Variants in NEGR1 observed in about 807,000 individuals in gnomAD.
The protein encoded by NEGR1 is IgLON family member 4.
In NEGR1, 10 loss-of-function variants were observed where a neutral mutation model predicts 40.9. The ratio of observed to expected loss-of-function variants is 0.24; its 90% confidence interval spans 0.15 to 0.42. NEGR1 has a LOEUF of 0.42. Among genes scored for constraint, NEGR1 ranks in the 10% least tolerant of loss-of-function variants. NEGR1 has a pLI of 1.00. For missense variants in NEGR1, 352 were observed against 438.9 expected (o/e 0.80, Z 1.77); for synonymous variants, 185 against 166.8 (o/e 1.11, Z -0.84).
At chr1:71,649,810 C>T (rs530695019) in intron 4 of NEGR1, among the ~76,000 whole-genome samples, 1 of 152,208 alleles carries the variant, frequency 6.6e-6, no homozygotes, top group South Asian at 2.1e-4. Flanking sequence ...GTTGAGAACT[C>T]AGAAGTCTGC....
chr1:71,871,734 T>C (rs1457638631), intron 2 of NEGR1, among the ~76,000 whole-genome samples: 1 of 152,332 alleles, frequency 6.6e-6, no homozygotes, highest in Middle Eastern at 3.4e-3. Context: ...AAGATAGTTT[T>C]TATTGAGGCA....
intron 1 of NEGR1, among the ~76,000 whole-genome samples, chr1:72,182,067 A>G (rs1033913267): frequency 2.0e-5 from 3 of 152,186 alleles, no homozygotes; most frequent in Non-Finnish European, 1.5e-5. Flanking sequence ...TACAAAAGCA[A>G]ATACAAAAAA....
At chr1:71,656,622 G>C (rs550538341) in intron 4 of NEGR1, among the ~76,000 whole-genome samples, 1 of 151,932 alleles carries the variant, frequency 6.6e-6, no homozygotes, top group African/African-American at 2.4e-5. Flanking sequence ...CCGTGGTCTC[G>C]ATCTCCTGAC....
chr1:71,673,765 G>T (rs1234792178), intron 4 of NEGR1, among the ~76,000 whole-genome samples: 1 of 150,354 alleles, frequency 6.7e-6, no homozygotes, highest in Non-Finnish European at 1.5e-5. Context: ...ATTACACAGA[G>T]CAGAAGCCCA....
intron 4 of NEGR1, among the ~76,000 whole-genome samples, chr1:71,668,346 G>A (rs1167486959): frequency 5.3e-5 from 8 of 152,174 alleles, no homozygotes; most frequent in African/African-American, 1.9e-4. Flanking sequence ...CTGGGTAGCA[G>A]TGGAAGCAGC....
At chr1:71,728,388 T>C (rs1654743977) in intron 3 of NEGR1, among the ~76,000 whole-genome samples, 1 of 152,176 alleles carries the variant, frequency 6.6e-6, no homozygotes, top group Non-Finnish European at 1.5e-5. Context: ...CCTTCCTTGC[T>C]ACTGAGAAAA....
chr1:71,730,256 G>A (rs181593824), intron 3 of NEGR1, among the ~76,000 whole-genome samples: 2 of 152,118 alleles, frequency 1.3e-5, no homozygotes, highest in East Asian at 1.9e-4. Flanking sequence ...AGAGGGAGCT[G>A]CTTTGAGAGT....
intron 2 of NEGR1, among the ~76,000 whole-genome samples, chr1:71,852,762 AG>A (rs1402942007): frequency 6.6e-6 from 1 of 151,728 alleles, no homozygotes; most frequent in Non-Finnish European, 1.5e-5. Flanking sequence ...AGAGGTAAGT[AG>A]GTTTGAAGTT....
intron 1 of NEGR1, among the ~76,000 whole-genome samples, chr1:72,181,538 A>G (rs1486766370): frequency 6.6e-6 from 1 of 152,130 alleles, no homozygotes; most frequent in Admixed American, 6.6e-5. Flanking sequence ...TAGAACCACC[A>G]TATGATGCAG....
chr1:71,453,743 T>C (rs1383715762), intron 6 of NEGR1, among the ~76,000 whole-genome samples: 2 of 152,054 alleles, frequency 1.3e-5, no homozygotes, highest in Admixed American at 1.3e-4. Flanking sequence ...AACTGGAAAA[T>C]ATTGTTTGTG....
At chr1:72,260,875 G>A (rs1655429887) in intron 1 of NEGR1, among the ~76,000 whole-genome samples, 1 of 151,930 alleles carries the variant, frequency 6.6e-6, no homozygotes, top group African/African-American at 2.4e-5. Flanking sequence ...ACAAAAATTA[G>A]TCTAGGAGCA....
Position 71,407,418 on chromosome 1 carries a change from C to A in NEGR1, c.*28G>T. On this transcript the variant is annotated 3_prime_UTR_variant, in exon 7 of 7. Coordinates refer to ENST00000357731, the MANE Select transcript of NEGR1 (RefSeq NM_173808.3). Reference sequence around the variant, plus strand: ...CAGCCATCAGCACTTTCAGAGAATCCTTAAAAGCCTTTTATGGGTCTTTGA... The same window carrying A: ...CAGCCATCAGCACTTTCAGAGAATCATTAAAAGCCTTTTATGGGTCTTTGA... 1 of 1,607,678 alleles carries A rather than the reference C, an allele frequency of 6.2e-7. No homozygotes were observed. The highest frequency in any genetic ancestry group is 8.5e-7 in the Non-Finnish European group (1 of 1,176,048).
At chr1:71,968,214 C>A (rs1646226206) in intron 1 of NEGR1, among the ~76,000 whole-genome samples, 1 of 152,094 alleles carries the variant, frequency 6.6e-6, no homozygotes, top group Admixed American at 6.5e-5. Flanking sequence ...AGAGGAGACA[C>A]TGAAAGGATC....
intron 3 of NEGR1, among the ~76,000 whole-genome samples, chr1:71,721,032 C>T (rs939686707): frequency 6.6e-6 from 1 of 152,118 alleles, no homozygotes; most frequent in East Asian, 1.9e-4. Flanking sequence ...TTATTTATAG[C>T]ATGACAGAGA....
At chr1:71,973,233 G>A (rs1383011697) in intron 1 of NEGR1, among the ~76,000 whole-genome samples, 1 of 151,536 alleles carries the variant, frequency 6.6e-6, no homozygotes, top group South Asian at 2.1e-4. Flanking sequence ...GGAGAATGGC[G>A]TGAACACGGG....
At chr1:72,087,159 C>A (rs1214771797) in intron 1 of NEGR1, among the ~76,000 whole-genome samples, 1 of 152,140 alleles carries the variant, frequency 6.6e-6, no homozygotes, top group Non-Finnish European at 1.5e-5. Flanking sequence ...GTGGCTTACA[C>A]CTGTAATCCC....
intron 2 of NEGR1, among the ~76,000 whole-genome samples, chr1:71,880,600 T>C (rs535530052): frequency 6.6e-6 from 1 of 152,028 alleles, no homozygotes; most frequent in Admixed American, 6.6e-5. Flanking sequence ...TCAACATAGA[T>C]AGAAAACCTT....
At chr1:71,595,544 G>C (rs570743158) in intron 5 of NEGR1, among the ~76,000 whole-genome samples, 17 of 152,206 alleles carry the variant, frequency 1.1e-4, no homozygotes, top group African/African-American at 4.1e-4. Context: ...GGAGAGTTCT[G>C]GGGTATGAAG....
At chr1:71,814,183 T>TA (rs2101766570) in intron 2 of NEGR1, among the ~76,000 whole-genome samples, 1 of 152,256 alleles carries the variant, frequency 6.6e-6, no homozygotes, top group East Asian at 1.9e-4. Flanking sequence ...TCTGTTGAGA[T>TA]AATCATGCGG....
Sources: gnomAD v4.1 joint callset for allele counts (sites outside exome capture counted in the v4.1 genomes callset) on GRCh38, gnomAD v4.1.1 for gene constraint, MANE v1.5 for transcripts, NCBI Gene and HGNC (gene_info 2026-07-23, HGNC 2026-07-21) for gene names.